FMNL2: variants seen among roughly 807,000 people sequenced by gnomAD.
FMNL2 encodes formin-like protein 2.
A neutral mutation model predicts 130.2 loss-of-function variants in FMNL2; 51 were observed. The ratio of observed to expected loss-of-function variants is 0.39; its 90% confidence interval spans 0.31 to 0.49. The LOEUF is 0.49. Among genes scored for constraint, FMNL2 ranks in the 20% least tolerant of loss-of-function variants. FMNL2 has a pLI of 0.85. For missense variants in FMNL2, 977 were observed against 1,316.2 expected (o/e 0.74, Z 3.99); for synonymous variants, 465 against 467.1 (o/e 1.00, Z 0.06).
intron 24 of FMNL2, among the ~76,000 whole-genome samples, 189 bp downstream of exon 24, chr2:152,640,245 C>T (rs1682967263): frequency 6.6e-6 from 1 of 152,124 alleles, no homozygotes; most frequent in Non-Finnish European, 1.5e-5. Flanking sequence ...TGGAATGAGG[C>T]TAAGAGCATG....
At chr2:152,431,586 T>G (rs1339263817) in intron 1 of FMNL2, among the ~76,000 whole-genome samples, 1 of 152,224 alleles carries the variant, frequency 6.6e-6, no homozygotes, top group South Asian at 2.1e-4. Flanking sequence ...CATTTTTATG[T>G]TAAAGTGCCC....
chr2:152,637,458 G>A (rs1008154844), intron 22 of FMNL2, 115 bp from the exon 23 acceptor site: 13 of 772,406 alleles, frequency 1.7e-5, no homozygotes, highest in Admixed American at 4.5e-5. Flanking sequence ...GTGCAGCAAC[G>A]CAAGGCCATG....
chr2:152,607,050 A>G (rs1698411926), intron 9 of FMNL2, among the ~76,000 whole-genome samples: 2 of 143,256 alleles, frequency 1.4e-5, no homozygotes, highest in South Asian at 4.6e-4. Flanking sequence ...TTGGATTCCA[A>G]ATGTATGCTA....
intron 1 of FMNL2, among the ~76,000 whole-genome samples, chr2:152,403,624 T>C (rs1685827846): frequency 1.3e-5 from 2 of 152,150 alleles, no homozygotes; most frequent in South Asian, 4.1e-4. Context: ...TGTGTGCCTT[T>C]GTAATGCTTT....
At position 152,390,638 on chromosome 2, in the gene FMNL2, C is replaced by G. The variant is rs1161564838; in HGVS notation, c.117+54918C>G. On this transcript the variant is annotated intron_variant, in intron 1 of 25. Transcript: ENST00000288670. ...TTTCCAAGGCCAAATTCAACTAGCC[C>G]GTGCTTTTTCCTCCCTGAACTCTTG... 4 of 905,488 alleles carry G rather than the reference C, an allele frequency of 4.4e-6. No homozygotes were observed. In the African/African-American group the frequency reaches 4.9e-5, roughly 11 times the overall value. The allele number at this position is 905,488 out of a possible 1,614,324, so 56.1% of individuals were successfully genotyped here.
chr2:152,626,441 T>G (rs970692093), intron 16 of FMNL2, 84 bp from the exon 17 acceptor site: 12 of 1,186,796 alleles, frequency 1.0e-5, no homozygotes, highest in South Asian at 9.0e-5. Flanking sequence ...AAGTGACGTT[T>G]TTGCTTAAGA....
chr2:152,338,693 A>T (rs1681615010), intron 1 of FMNL2, among the ~76,000 whole-genome samples: 1 of 152,198 alleles, frequency 6.6e-6, no homozygotes, highest in South Asian at 2.1e-4. Context: ...AAGGATAGGT[A>T]TCTTCAGTAT....
chr2:152,376,734 C>T (rs1300871833), intron 1 of FMNL2, among the ~76,000 whole-genome samples: 1 of 152,180 alleles, frequency 6.6e-6, no homozygotes, highest in Non-Finnish European at 1.5e-5. Context: ...TTCTCAGAGG[C>T]AGCCCTGCTT....
chr2:152,461,458 T>C (rs1238385721), intron 1 of FMNL2, among the ~76,000 whole-genome samples: 1 of 152,216 alleles, frequency 6.6e-6, no homozygotes, highest in African/African-American at 2.4e-5. Flanking sequence ...ATTTGATCTG[T>C]ATTTAGATTA....
At chr2:152,337,932 T>C (rs1260381883) in intron 1 of FMNL2, among the ~76,000 whole-genome samples, 1 of 152,114 alleles carries the variant, frequency 6.6e-6, no homozygotes, top group Non-Finnish European at 1.5e-5. Context: ...TCAGCTCCAC[T>C]TGCTCTTTGA....
chr2:152,416,508 A>G (rs576297441), intron 1 of FMNL2, among the ~76,000 whole-genome samples: 1 of 152,332 alleles, frequency 6.6e-6, no homozygotes, highest in South Asian at 2.1e-4. Context: ...ATGGTTGGCA[A>G]AGCTTCCATA....
intron 1 of FMNL2, among the ~76,000 whole-genome samples, chr2:152,513,825 C>A (rs1292938324): frequency 6.6e-6 from 1 of 152,018 alleles, no homozygotes; most frequent in African/African-American, 2.4e-5. Context: ...ATATTAGTAC[C>A]CTCAATGATT....
chr2:152,375,877 C>CTATATATATA (rs61564333), intron 1 of FMNL2, among the ~76,000 whole-genome samples: 54 of 112,466 alleles, frequency 4.8e-4, no homozygotes, highest in African/African-American at 1.6e-3. Context: ...CTCTCTCTCT[C>CTATATATATA]TATATATATA....
intron 2 of FMNL2, among the ~76,000 whole-genome samples, chr2:152,530,800 T>C (rs1160817476): frequency 2.0e-5 from 3 of 152,220 alleles, no homozygotes; most frequent in African/African-American, 7.2e-5. Flanking sequence ...TTGAGGTGTC[T>C]ACAGTCTTTA....
chr2:152,362,034 A>G (rs62179558), intron 1 of FMNL2, among the ~76,000 whole-genome samples: 4,650 of 152,310 alleles, frequency 0.031, 92 homozygotes, highest in Middle Eastern at 0.075. Flanking sequence ...TCTAATTACA[A>G]TGCCCAGCTA....
chr2:152,521,587 G>T (rs1693088385), intron 1 of FMNL2, among the ~76,000 whole-genome samples: 1 of 151,828 alleles, frequency 6.6e-6, no homozygotes, highest in South Asian at 2.1e-4. Flanking sequence ...TCTGTTTTGT[G>T]TCTGGTGGGG....
chr2:152,585,762 C>G (rs1429401513), intron 9 of FMNL2, among the ~76,000 whole-genome samples: 2 of 152,200 alleles, frequency 1.3e-5, no homozygotes, highest in Non-Finnish European at 2.9e-5. Context: ...CTTCAGATTT[C>G]TAAACACTAC....
At chr2:152,424,431 C>T (rs151011673) in intron 1 of FMNL2, among the ~76,000 whole-genome samples, 139 of 150,562 alleles carry the variant, frequency 9.2e-4, no homozygotes, top group African/African-American at 3.3e-3. Flanking sequence ...CATTCTGTCA[C>T]CCAGGCTGCA....
chr2:152,447,064 CTT>C (rs1204412642), intron 1 of FMNL2, among the ~76,000 whole-genome samples: 1 of 150,898 alleles, frequency 6.6e-6, no homozygotes, highest in African/African-American at 2.4e-5. Flanking sequence ...AAAAAAGAGA[CTT>C]TGTCAATCTT....
Sources: gnomAD v4.1 joint callset for allele counts (sites outside exome capture counted in the v4.1 genomes callset) on GRCh38, gnomAD v4.1.1 for gene constraint, MANE v1.5 for transcripts, NCBI Gene and HGNC (gene_info 2026-07-23, HGNC 2026-07-21) for gene names.